Variants in TRRAP observed in about 807,000 individuals in gnomAD.
The protein encoded by TRRAP is transformation/transcription domain-associated protein.
A neutral mutation model predicts 438.8 loss-of-function variants in TRRAP; 41 were observed. The ratio of observed to expected loss-of-function variants is 0.09; its 90% CI spans 0.07 to 0.12. TRRAP has a LOEUF of 0.12. Ranked by LOEUF, TRRAP falls within the 10% of genes least tolerant of loss-of-function variation. TRRAP has a pLI of 1.00. For missense variants in TRRAP, 3,122 were observed against 5,055.1 expected (o/e 0.62, Z 11.60); for synonymous variants, 1,994 against 1,962.9 (o/e 1.02, Z -0.42).
At chr7:98,881,885 C>T (rs1170221176) in intron 2 of TRRAP, 90 bp from the exon 3 acceptor site, 2 of 1,411,360 alleles carry the variant, frequency 1.4e-6, no homozygotes, top group Non-Finnish European at 2.0e-6. Flanking sequence ...GATCTGATTG[C>T]TTCTCTTAAA....
chr7:98,993,340 T>TGTCCCTCCCCGC (rs1227157271), intron 65 of TRRAP, among the ~76,000 whole-genome samples, 198 bp from the exon 66 acceptor site: 1 of 152,238 alleles, frequency 6.6e-6, no homozygotes, highest in Non-Finnish European at 1.5e-5. Flanking sequence ...ACAACTGCGC[T>TGTCCCTCCCCGC]GTCCCTCCCC....
chr7:99,004,940 T>C (rs1325947629), intron 68 of TRRAP, among the ~76,000 whole-genome samples, 191 bp from the exon 69 acceptor site: 1 of 152,216 alleles, frequency 6.6e-6, no homozygotes, highest in Non-Finnish European at 1.5e-5. Flanking sequence ...CGTCCGTGGC[T>C]GCTGAATTGA....
intron 14 of TRRAP, 121 bp downstream of exon 14, chr7:98,909,083 G>C: frequency 2.1e-6 from 2 of 941,890 alleles, no homozygotes; most frequent in Non-Finnish European, 3.1e-6. Context: ...AAGTGCAGTG[G>C]CGTGATCTCA....
At chr7:98,895,501 A>G (rs576959301) in intron 6 of TRRAP, among the ~76,000 whole-genome samples, 2 of 152,178 alleles carry the variant, frequency 1.3e-5, no homozygotes, top group South Asian at 4.1e-4. Context: ...CTATTTTGTG[A>G]AAGGCAAAAA....
At chr7:98,923,664 C>T (rs1242243839) in intron 21 of TRRAP, among the ~76,000 whole-genome samples, 1 of 152,216 alleles carries the variant, frequency 6.6e-6, no homozygotes, top group Non-Finnish European at 1.5e-5. Flanking sequence ...AGCACGGACA[C>T]TCAAGCTGGG....
Position 98,971,252 on chromosome 7 carries a change from GA to G in TRRAP, c.7693-545del, listed in dbSNP as rs1442986626. The stretch of plus-strand genomic sequence containing the variant: ...CTGTGTGAAATAAATTGCCAAGTCT[GA>G]AGTTCTTCATTTTCAAGGGCACACA... On this transcript the variant is annotated intron_variant, in intron 52 of 72. Coordinates refer to ENST00000456197, the MANE Select transcript of TRRAP (RefSeq NM_001375524.1). 3.3e-5 allele frequency among the ~76,000 whole-genome samples: 5 copies of G among 152,146 alleles called. No individual in the cohort carries two copies. The East Asian group carries it at 9.6e-4, about 29-fold the overall frequency.
intron 4 of TRRAP, 67 bp downstream of exon 4, chr7:98,890,512 C>A: frequency 8.6e-7 from 1 of 1,165,112 alleles, no homozygotes; most frequent in Non-Finnish European, 1.2e-6. Context: ...CGAATTAACT[C>A]AGAAAACTTA....
intron 56 of TRRAP, 95 bp downstream of exon 56, chr7:98,977,171 T>C: frequency 1.3e-6 from 2 of 1,548,072 alleles, no homozygotes; most frequent in Non-Finnish European, 1.8e-6. Context: ...GTTCACGTTC[T>C]CTTTTTTTGA....
intron 3 of TRRAP, among the ~76,000 whole-genome samples, chr7:98,889,722 A>T (rs576896911): frequency 1.5e-3 from 230 of 151,602 alleles, no homozygotes; most frequent in African/African-American, 5.0e-3. Flanking sequence ...CCAGCTTTTT[A>T]AAAAAAATTT....
rs140412233 is a variant in TRRAP, at chr7:98,895,166, G to A, written c.451-598G>A. Among the ~76,000 whole-genome samples the A allele has an allele frequency of 7.4e-4, 113 of 152,192 alleles. 1 individual carries two copies. In the East Asian group the frequency reaches 0.018, roughly 24 times the overall value. ...AGTGATCCTCTAGTCTTGGCCTCCC[G>A]AAGTGTCAGGATTGTAGGCATGAGC... On this transcript the variant is annotated intron_variant, in intron 6 of 72. Coordinates refer to ENST00000456197, the MANE Select transcript of TRRAP (RefSeq NM_001375524.1).
At chr7:98,919,959 T>G (rs1789705577) in intron 20 of TRRAP, among the ~76,000 whole-genome samples, 1 of 152,176 alleles carries the variant, frequency 6.6e-6, no homozygotes, top group Non-Finnish European at 1.5e-5. Flanking sequence ...TGCCCCCTCC[T>G]GAGGACACCC....
In TRRAP at chr7:98,929,187, G is replaced by A. The variant is rs948956485; in HGVS notation, c.3176-802G>A. Among the ~76,000 whole-genome samples, 17 of 152,012 alleles carry A rather than the reference G, an allele frequency of 1.1e-4. No homozygotes were observed. In the East Asian group the frequency reaches 2.1e-3, roughly 19 times the overall value. On this transcript the variant is annotated intron_variant, in intron 23 of 72. Coordinates refer to ENST00000456197, the MANE Select transcript of TRRAP (RefSeq NM_001375524.1). ...ATACTCCTGACCTCATGATCCACCC[G>A]CCTCGGCCTCCCAAAGTGCTGGGAT... is the stretch of plus-strand genomic sequence containing the variant.
In TRRAP at chr7:98,976,021, T is replaced by C; in HGVS notation, c.7840-128T>C. Reference sequence around the variant, plus strand: ...TACTCTAACATGGCATTTTCTCAGATCTTTGAAACTTTGAAAGTGGAGGAG... The same window carrying C: ...TACTCTAACATGGCATTTTCTCAGACCTTTGAAACTTTGAAAGTGGAGGAG... On this transcript the variant is annotated intron_variant, in intron 53 of 72. Coordinates refer to ENST00000456197, the MANE Select transcript of TRRAP (RefSeq NM_001375524.1). The surrounding 1 kb of genome is among the most constrained non-coding windows in gnomAD (Gnocchi z 4.6). 8.1e-7 allele frequency: 1 copy of C among 1,229,624 alleles called. No individual in the cohort carries two copies. The highest frequency in any genetic ancestry group is 1.1e-6 in the Non-Finnish European group (1 of 910,520). 76.2% of individuals were successfully genotyped at this position (1,229,624 alleles called of 1,614,324 possible).
At chr7:98,899,079 C>T (rs1247818655) in intron 8 of TRRAP, among the ~76,000 whole-genome samples, 1 of 152,126 alleles carries the variant, frequency 6.6e-6, no homozygotes, top group Non-Finnish European at 1.5e-5. Flanking sequence ...ATCCCAGCTA[C>T]TCAGGAGGCT....
At chr7:99,004,934 C>T (rs945448472) in intron 68 of TRRAP, among the ~76,000 whole-genome samples, 197 bp from the exon 69 acceptor site, 4 of 152,230 alleles carry the variant, frequency 2.6e-5, no homozygotes, top group Admixed American at 2.0e-4. Context: ...GACTTCCGTC[C>T]GTGGCTGCTG....
intron 39 of TRRAP, 102 bp from the exon 40 acceptor site, chr7:98,953,060 TGTGTG>T (rs1791413862): frequency 1.9e-5 from 1 of 52,116 alleles, no homozygotes; most frequent in African/African-American, 3.4e-5. Flanking sequence ...TGTGTGTGTG[TGTGTG>T]TGTGTGTGTG....
intron 67 of TRRAP, chr7:98,999,020 C>T (rs1316030665): frequency 4.1e-6 from 3 of 733,388 alleles, no homozygotes; most frequent in Non-Finnish European, 6.9e-6. Flanking sequence ...CACACCACAT[C>T]TGCCACCAGC....
At position 98,927,195 on chromosome 7, in the gene TRRAP, A is replaced by G. The variant is rs782451280; in HGVS notation, c.3004A>G (p.Ile1002Val). 2.9e-5 allele frequency: 47 copies of G among 1,614,102 alleles called. No individual in the cohort carries two copies. The highest frequency in any genetic ancestry group is 3.9e-5 in the Non-Finnish European group (46 of 1,180,032). Residue 1002 changes from isoleucine (I) to valine (V), a missense_variant, in exon 23 of 73, where the codon ATC becomes GTC. Physicochemically the swap from Ile to Val is conservative, Grantham distance 29. This residue lies in a region of TRRAP where 133 missense variants were observed against 188.6 expected (regional missense o/e 0.71). Coordinates refer to ENST00000456197, the MANE Select transcript of TRRAP (RefSeq NM_001375524.1). ...NFTEKTIPNV[I>V]ISHRYKAQDT... ...TACAGAAAAGACCATCCCCAATGTT[A>G]TCATCTCACATCGCTACAAAGCCCA...
rs138279379 is a variant in TRRAP at position 99,000,416 on chromosome 7, A to G, written c.10310-3774A>G. Among the ~76,000 whole-genome samples, 389 of 152,336 alleles carry G rather than the reference A, an allele frequency of 2.6e-3. 4 individuals carry two copies. The highest frequency in any genetic ancestry group is 9.0e-3 in the African/African-American group (376 of 41,570). On this transcript the variant is annotated intron_variant, in intron 67 of 72. Transcript: ENST00000456197. ...GGCCAAGATGTAGAACTCATACTAC[A>G]TATACTATGGAAATCCTGCCATGTG...
Sources: gnomAD v4.1 joint callset for allele counts (sites outside exome capture counted in the v4.1 genomes callset) on GRCh38, gnomAD v4.1.1 for gene constraint, gnomAD v4.1.1 regional missense constraint, Gnocchi (gnomAD v3.1) non-coding constraint, MANE v1.5 for transcripts, NCBI Gene and HGNC (gene_info 2026-07-23, HGNC 2026-07-21) for gene names.